Variants in CAMK1D observed in about 807,000 individuals in gnomAD.
CAMK1D encodes the protein calcium/calmodulin-dependent protein kinase type 1D.
CAMK1D carries 9 observed loss-of-function variants against 47.7 expected under a neutral mutation model. The observed-to-expected ratio is 0.19, with a 90% CI of 0.11 to 0.33. The LOEUF is 0.33. Among genes scored for constraint, CAMK1D ranks in the 10% least tolerant of loss-of-function variants. The pLI, the probability that CAMK1D is intolerant of heterozygous loss-of-function variation, is 1.00. For missense variants in CAMK1D, 291 were observed against 488.7 expected (o/e 0.60, Z 3.81); for synonymous variants, 184 against 184.9 (o/e 0.99, Z 0.04).
chr10:12,416,035 C>T (rs915031872), intron 1 of CAMK1D: 4 of 152,132 alleles, frequency 2.6e-5, no homozygotes, highest in Non-Finnish European at 4.4e-5. Context: ...AAACCATTCG[C>T]ATTAGACTGT....
At chr10:12,815,879 C>T (rs536787748) in intron 7 of CAMK1D, among the ~76,000 whole-genome samples, 2 of 152,232 alleles carry the variant, frequency 1.3e-5, no homozygotes, top group Non-Finnish European at 2.9e-5. Context: ...CCACATTTAA[C>T]ACATGGAGAT....
chr10:12,539,532 G>A (rs1836095547), intron 1 of CAMK1D, among the ~76,000 whole-genome samples: 1 of 152,190 alleles, frequency 6.6e-6, no homozygotes. Flanking sequence ...CTATGCGGCT[G>A]GCATTGGGAG....
At chr10:12,778,865 C>A (rs1186933236) in intron 5 of CAMK1D, among the ~76,000 whole-genome samples, 1 of 151,036 alleles carries the variant, frequency 6.6e-6, no homozygotes. Context: ...AGAGTGAGAC[C>A]CCATCTCTAA....
At chr10:12,351,488 C>G (rs1298922028) in intron 1 of CAMK1D, among the ~76,000 whole-genome samples, 1 of 152,120 alleles carries the variant, frequency 6.6e-6, no homozygotes, top group Non-Finnish European at 1.5e-5. Context: ...CTGTGGCCGC[C>G]AATGAGGAGA....
At chr10:12,624,607 C>T (rs1004415834) in intron 2 of CAMK1D, among the ~76,000 whole-genome samples, 6 of 152,150 alleles carry the variant, frequency 3.9e-5, no homozygotes, top group South Asian at 2.1e-4. Context: ...TAGTAGTCCA[C>T]GGTTTACCAC....
chr10:12,798,896 G>C (rs1556409), intron 6 of CAMK1D, among the ~76,000 whole-genome samples: 56,304 of 151,966 alleles, frequency 0.37, 10,713 homozygotes, highest in East Asian at 0.56. Context: ...ATATGTATTG[G>C]AGGTGCACAG....
At position 12,827,546 on chromosome 10, in the gene CAMK1D, G is replaced by A. The variant is rs1302479724; in HGVS notation, c.1040-1223G>A. Among the ~76,000 whole-genome samples the A allele has an allele frequency of 4.9e-5, 4 of 80,964 alleles. 1 individual carries two copies. Among genetic ancestry groups the A allele is most frequent in the South Asian group, 4.3e-4 (1 of 2,302 alleles). 53.1% of individuals were successfully genotyped at this position (80,964 alleles called of 152,430 possible). ...TCTTTCTTTCTTTCTTTCTTTTCTT[G>A]TCTTTCTTCTCCTCTCCTCCACTAA... is the stretch of plus-strand genomic sequence containing the variant. On this transcript the variant is annotated intron_variant, in intron 10 of 10. Transcript: ENST00000619168.
intron 3 of CAMK1D, among the ~76,000 whole-genome samples, chr10:12,738,209 A>T (rs1398662541): frequency 6.6e-6 from 1 of 152,238 alleles, no homozygotes; most frequent in Non-Finnish European, 1.5e-5. Context: ...AGACCCCAGG[A>T]TTAATATCCT....
intron 3 of CAMK1D, among the ~76,000 whole-genome samples, chr10:12,718,106 C>A (rs1324677711): frequency 1.3e-5 from 2 of 151,960 alleles, no homozygotes; most frequent in African/African-American, 4.8e-5. Flanking sequence ...TTTTCTGACC[C>A]CTTACAAAGT....
chr10:12,567,432 C>G (rs1257333801), intron 2 of CAMK1D, among the ~76,000 whole-genome samples: 3 of 152,182 alleles, frequency 2.0e-5, no homozygotes, highest in Non-Finnish European at 2.9e-5. Flanking sequence ...AGGGATGGGG[C>G]AGCCGATGAG....
chr10:12,596,772 T>C (rs1226952450), intron 2 of CAMK1D, among the ~76,000 whole-genome samples: 2 of 152,154 alleles, frequency 1.3e-5, no homozygotes, highest in Non-Finnish European at 2.9e-5. Flanking sequence ...TTCACTCTGC[T>C]TCTGATCACT....
chr10:12,739,394 G>C (rs1180597407), intron 3 of CAMK1D, among the ~76,000 whole-genome samples: 1 of 151,356 alleles, frequency 6.6e-6, no homozygotes, highest in Non-Finnish European at 1.5e-5. Context: ...TCCTGCCTCA[G>C]CCTCCGGAGT....
intron 2 of CAMK1D, among the ~76,000 whole-genome samples, chr10:12,613,503 C>T (rs554133629): frequency 6.6e-6 from 1 of 152,362 alleles, no homozygotes; most frequent in South Asian, 2.1e-4. Context: ...TTTGTCCATA[C>T]AGTGGTTGAG....
Position 12,709,917 on chromosome 10 carries a change from C to T in CAMK1D, c.299+43107C>T, listed in dbSNP as rs370412194. Among the ~76,000 whole-genome samples the T allele has an allele frequency of 5.9e-5, 9 of 152,122 alleles. 1 individual carries two copies. The East Asian group carries it at 1.5e-3, about 26-fold the overall frequency. ...AGCCAGTAGGAAGGGAATTGAAGGA[C>T]GCAGAGTCGATGCCTGCAGTTTCTT... On this transcript the variant is annotated intron_variant, in intron 3 of 10. Transcript: ENST00000619168.
intron 3 of CAMK1D, among the ~76,000 whole-genome samples, chr10:12,672,247 A>G (rs1432625628): frequency 6.6e-6 from 1 of 151,752 alleles, no homozygotes; most frequent in African/African-American, 2.4e-5. Flanking sequence ...TACCTTTTGA[A>G]TAAGGAAAGT....
At chr10:12,790,811 C>T (rs542683354) in intron 5 of CAMK1D, among the ~76,000 whole-genome samples, 3 of 151,808 alleles carry the variant, frequency 2.0e-5, no homozygotes, top group African/African-American at 7.3e-5. Flanking sequence ...GGCAATATCA[C>T]GAGACTTCAT....
intron 6 of CAMK1D, among the ~76,000 whole-genome samples, chr10:12,806,542 A>C (rs1212966617): frequency 6.6e-6 from 1 of 152,206 alleles, no homozygotes; most frequent in African/African-American, 2.4e-5. Context: ...CCTGGCCAGC[A>C]GGGCTCACCC....
At chr10:12,697,092 T>C (rs1360986481) in intron 3 of CAMK1D, among the ~76,000 whole-genome samples, 1 of 152,120 alleles carries the variant, frequency 6.6e-6, no homozygotes, top group Non-Finnish European at 1.5e-5. Flanking sequence ...CCATGGAAGG[T>C]ATGGGTCAAA....
Position 12,743,355 on chromosome 10 carries a change from A to AAAAAAAAAAAAAAAG in CAMK1D, c.300-17589_300-17588insAAAAAAAAAAGAAAA, listed in dbSNP as rs1461631779. On this transcript the variant is annotated intron_variant, in intron 3 of 10. Coordinates refer to ENST00000619168, the MANE Select transcript of CAMK1D (RefSeq NM_153498.4). ...GGGTAAGACCCTGTCTCAAAAAAAA[A>AAAAAAAAAAAAAAAG]AAAAGAAAAAAGAAAAAAAGAAAAA... is the stretch of plus-strand genomic sequence containing the variant. Among the ~76,000 whole-genome samples the AAAAAAAAAAAAAAAG allele has an allele frequency of 4.5e-3, 528 of 117,948 alleles. 7 individuals carry two copies. The highest frequency in any genetic ancestry group is 0.014 in the African/African-American group (488 of 35,108). 77.4% of individuals were successfully genotyped at this position (117,948 alleles called of 152,430 possible).
Sources: allele counts gnomAD v4.1 joint callset (sites outside exome capture counted in the v4.1 genomes callset), GRCh38; gene constraint gnomAD v4.1.1; transcripts MANE v1.5; gene names NCBI Gene and HGNC (gene_info 2026-07-23, HGNC 2026-07-21).